Variants in SND1 observed in about 807,000 individuals in gnomAD.
SND1 encodes the protein staphylococcal nuclease domain-containing protein 1.
A neutral mutation model predicts 121.7 loss-of-function variants in SND1; 38 were observed. That is an observed-to-expected ratio of 0.31 (90% CI 0.24 to 0.41). The LOEUF is 0.41. SND1 is among the 10% of genes least tolerant of loss of function. The pLI is 1.00. For missense variants in SND1, 868 were observed against 1,184.6 expected (o/e 0.73, Z 3.92); for synonymous variants, 401 against 447.4 (o/e 0.90, Z 1.31).
In SND1 at chr7:128,030,370, G is replaced by C. The variant is rs150456491; in HGVS notation, c.1779+39314G>C. 6.2e-7 allele frequency: 1 copy of C among 1,613,924 alleles called. No individual in the cohort carries two copies. The highest frequency in any genetic ancestry group is 2.2e-5 in the East Asian group (1 of 44,872). ...TGGAGGTGGCGGAAGGTGTCGGCCT[G>C]GATCATCTGGATGTTGTTCTCCATG... On this transcript the variant is annotated intron_variant, in intron 16 of 23. Coordinates refer to ENST00000354725, the MANE Select transcript of SND1 (RefSeq NM_014390.4).
At chr7:127,717,260 A>G (rs1796408497) in intron 9 of SND1, among the ~76,000 whole-genome samples, 1 of 152,162 alleles carries the variant, frequency 6.6e-6, no homozygotes, top group Admixed American at 6.5e-5. Context: ...TTATTCAGGT[A>G]TTCATTTATT....
At chr7:127,931,929 T>C (rs532877716) in intron 15 of SND1, among the ~76,000 whole-genome samples, 77 of 152,188 alleles carry the variant, frequency 5.1e-4, no homozygotes, top group Non-Finnish European at 9.4e-4. Context: ...ATATTACTGC[T>C]CATTCACAGT....
At chr7:127,880,155 T>A (rs1727373712) in intron 12 of SND1, among the ~76,000 whole-genome samples, 1 of 152,212 alleles carries the variant, frequency 6.6e-6, no homozygotes, top group Non-Finnish European at 1.5e-5. Flanking sequence ...TTCTCCACTG[T>A]ATCCAGATTG....
intron 10 of SND1, among the ~76,000 whole-genome samples, chr7:127,794,352 A>G (rs1207964969): frequency 1.3e-5 from 2 of 152,234 alleles, no homozygotes; most frequent in Non-Finnish European, 2.9e-5. Context: ...GTGTTTTGAA[A>G]TGCACAACAA....
intron 1 of SND1, among the ~76,000 whole-genome samples, chr7:127,669,809 G>T (rs1795482761): frequency 1.3e-5 from 2 of 152,118 alleles, no homozygotes; most frequent in African/African-American, 4.8e-5. Context: ...TTTTAGAGAA[G>T]ATCAAAGGTG....
At chr7:127,945,530 T>C (rs912392470) in intron 15 of SND1, among the ~76,000 whole-genome samples, 1 of 151,912 alleles carries the variant, frequency 6.6e-6, no homozygotes, top group Admixed American at 6.6e-5. Context: ...AAAATAACCC[T>C]ACAGTTTCCA....
intron 14 of SND1, among the ~76,000 whole-genome samples, chr7:127,920,482 C>T (rs770231178): frequency 6.6e-6 from 1 of 152,116 alleles, no homozygotes; most frequent in Non-Finnish European, 1.5e-5. Context: ...ATACTATAAA[C>T]ACTGAGTATT....
intron 16 of SND1, among the ~76,000 whole-genome samples, chr7:128,043,765 T>C (rs532518012): frequency 2.6e-5 from 4 of 151,526 alleles, no homozygotes; most frequent in Non-Finnish European, 5.9e-5. Flanking sequence ...TATATCTTTA[T>C]ATATGTATTT....
At chr7:127,656,485 G>A (rs1037101958) in intron 1 of SND1, among the ~76,000 whole-genome samples, 1 of 152,158 alleles carries the variant, frequency 6.6e-6, no homozygotes, top group Admixed American at 6.5e-5. Flanking sequence ...AGCATGCCCA[G>A]CTAACTTTTG....
chr7:127,992,286 A>G (rs1204278919), intron 16 of SND1, among the ~76,000 whole-genome samples: 1 of 152,194 alleles, frequency 6.6e-6, no homozygotes, highest in East Asian at 1.9e-4. Context: ...GTAGTTACAC[A>G]ATGCTGCCTG....
intron 5 of SND1, among the ~76,000 whole-genome samples, chr7:127,701,766 TA>T (rs2116339906): frequency 6.6e-6 from 1 of 152,314 alleles, no homozygotes; most frequent in Non-Finnish European, 1.5e-5. Flanking sequence ...GTCCTTTATA[TA>T]AAATGGTGCA....
chr7:128,053,415 T>C (rs1004722444), intron 16 of SND1, among the ~76,000 whole-genome samples: 2 of 152,134 alleles, frequency 1.3e-5, no homozygotes, highest in African/African-American at 4.8e-5. Flanking sequence ...GAGCTAATTC[T>C]CTCCCCTTAG....
chr7:127,911,872 T>G (rs1800464521), intron 14 of SND1, among the ~76,000 whole-genome samples: 1 of 152,206 alleles, frequency 6.6e-6, no homozygotes, highest in Non-Finnish European at 1.5e-5. Flanking sequence ...GACCTTGATC[T>G]TGATTCTGCC....
At chr7:128,023,453 A>G (rs1255296249) in intron 16 of SND1, among the ~76,000 whole-genome samples, 2 of 152,180 alleles carry the variant, frequency 1.3e-5, no homozygotes, top group Admixed American at 1.3e-4. Context: ...AGGCTTCCCA[A>G]GGTCCCAGCC....
intron 14 of SND1, among the ~76,000 whole-genome samples, chr7:127,912,506 A>G (rs1800481067): frequency 6.6e-6 from 1 of 152,192 alleles, no homozygotes; most frequent in African/African-American, 2.4e-5. Flanking sequence ...TGTAAGAGAA[A>G]TGATTTCAAA....
At position 128,040,276 on chromosome 7, in the gene SND1, A is replaced by G. The variant is rs572224175; in HGVS notation, c.1780-34226A>G. On this transcript the variant is annotated intron_variant, in intron 16 of 23. Coordinates refer to ENST00000354725, the MANE Select transcript of SND1 (RefSeq NM_014390.4). ...AACACGGGGTGTGTCACAGAAATTT[A>G]AAAAAAAAAAATCCAGGTGCAGTGC... 3.1e-4 allele frequency among the ~76,000 whole-genome samples: 45 copies of G among 145,650 alleles called. No individual in the cohort carries two copies. The South Asian group carries it at 4.8e-3, about 15-fold the overall frequency.
intron 15 of SND1, among the ~76,000 whole-genome samples, chr7:127,930,456 G>A (rs1213952860): frequency 1.3e-5 from 2 of 152,116 alleles, no homozygotes; most frequent in East Asian, 1.9e-4. Flanking sequence ...CTGAACACAT[G>A]ACCATGGAGC....
intron 12 of SND1, among the ~76,000 whole-genome samples, chr7:127,867,071 TTTC>T (rs1254452893): frequency 6.6e-6 from 1 of 152,192 alleles, no homozygotes; most frequent in African/African-American, 2.4e-5. Flanking sequence ...TATATCTGCT[TTTC>T]TTCTTCTTGC....
At chr7:127,818,412 C>G (rs6965698) in intron 11 of SND1, among the ~76,000 whole-genome samples, 31,700 of 151,982 alleles carry the variant, frequency 0.21, 3,932 homozygotes, top group African/African-American at 0.35. Context: ...GAAGGATTTA[C>G]TCAACTAATA....
Sources: allele counts gnomAD v4.1 joint callset (sites outside exome capture counted in the v4.1 genomes callset), GRCh38; gene constraint gnomAD v4.1.1; transcripts MANE v1.5; gene names NCBI Gene and HGNC (gene_info 2026-07-23, HGNC 2026-07-21).